The following KCNU1 variants were observed in gnomAD, a reference collection of about 807,000 sequenced individuals.
The protein encoded by KCNU1 is potassium channel subfamily U member 1.
In KCNU1, 93 loss-of-function variants were observed where a neutral mutation model predicts 126.8. The ratio of observed to expected loss-of-function variants is 0.73; its 90% CI spans 0.62 to 0.87. KCNU1 has a LOEUF of 0.87. Among genes scored for constraint, KCNU1 ranks in the 40% least tolerant of loss-of-function variants. The pLI, the probability that KCNU1 is intolerant of heterozygous loss-of-function variation, is 0.00. For missense variants in KCNU1, 1,330 were observed against 1,367.1 expected (o/e 0.97, Z 0.43); for synonymous variants, 523 against 494.2 (o/e 1.06, Z -0.77).
rs531478358 is a variant in KCNU1 at position 36,792,790 on chromosome 8, G to A, written c.315+5365G>A. Among the ~76,000 whole-genome samples the A allele has an allele frequency of 2.6e-5, 4 of 152,096 alleles. No homozygotes were observed. In the South Asian group the frequency reaches 8.3e-4, roughly 32 times the overall value. On this transcript the variant is annotated intron_variant, in intron 2 of 26. Coordinates refer to ENST00000399881, the MANE Select transcript of KCNU1 (RefSeq NM_001031836.3). Reference sequence around the variant, plus strand: ...TATTATAGTGTTGTCATTATTACACGAGTTAATAAGTGTAAAATATATATA... The same window carrying A: ...TATTATAGTGTTGTCATTATTACACAAGTTAATAAGTGTAAAATATATATA...
At chr8:36,920,968 T>G (rs1052423566) in intron 23 of KCNU1, among the ~76,000 whole-genome samples, 7 of 152,154 alleles carry the variant, frequency 4.6e-5, no homozygotes, top group African/African-American at 1.7e-4. Flanking sequence ...AGCAATGGAT[T>G]CTGAGTTGCT....
rs1009446808 is a variant in KCNU1, at chr8:36,922,175, C to G, written c.2597-315C>G. ...TTCGAGCATGCTCCCTTTTGCTCCC[C>G]CAAAATATCCTGGTTTGAAAGATAA... On this transcript the variant is annotated intron_variant, in intron 23 of 26. Coordinates refer to ENST00000399881, the MANE Select transcript of KCNU1 (RefSeq NM_001031836.3). 3.3e-5 allele frequency among the ~76,000 whole-genome samples: 5 copies of G among 152,240 alleles called. 1 individual carries two copies. Among genetic ancestry groups the G allele is most frequent in the Admixed American group, 3.3e-4 (5 of 15,288 alleles).
At chr8:36,934,409 C>T (rs1347285672) in intron 26 of KCNU1, among the ~76,000 whole-genome samples, 1 of 151,968 alleles carries the variant, frequency 6.6e-6, no homozygotes, top group Non-Finnish European at 1.5e-5. Context: ...ATAGTACCCA[C>T]CACCAAGACA....
At chr8:36,876,819 C>T (rs1177438052) in intron 19 of KCNU1, among the ~76,000 whole-genome samples, 2 of 152,142 alleles carry the variant, frequency 1.3e-5, no homozygotes, top group African/African-American at 4.8e-5. Context: ...GGATAAGAGG[C>T]TTCTTCAAAC....
chr8:36,858,823 A>AG (rs1246580922), intron 18 of KCNU1, among the ~76,000 whole-genome samples: 1 of 152,196 alleles, frequency 6.6e-6, no homozygotes, highest in Admixed American at 6.5e-5. Context: ...TATGATATCT[A>AG]GGGATAAGTT....
At chr8:36,923,810 AAGAAAGAATG>A (rs1338523283) in intron 24 of KCNU1, among the ~76,000 whole-genome samples, 1 of 152,230 alleles carries the variant, frequency 6.6e-6, no homozygotes, top group Non-Finnish European at 1.5e-5. Context: ...AGGTAAGTGC[AAGAAAGAATG>A]AAGAAGGAGA....
rs958961410 is a variant in KCNU1, at chr8:36,880,492, G to A, written c.2009+15971G>A. Among the ~76,000 whole-genome samples, 16 of 152,156 alleles carry A rather than the reference G, an allele frequency of 1.1e-4. No individual in the cohort carries two copies. In the East Asian group the frequency reaches 3.1e-3, roughly 29 times the overall value. On this transcript the variant is annotated intron_variant, in intron 19 of 26. Coordinates refer to ENST00000399881, the MANE Select transcript of KCNU1 (RefSeq NM_001031836.3). ...ATGAACAGATGGGGTGTCGAACACA[G>A]GCTTTCTGAATAATTCCCACCCTCC...
At chr8:36,841,709 TA>T (rs1804963895) in intron 16 of KCNU1, among the ~76,000 whole-genome samples, 1 of 151,912 alleles carries the variant, frequency 6.6e-6, no homozygotes, top group Admixed American at 6.6e-5. Context: ...AAAATAATTT[TA>T]AAAAAAGTAC....
Position 36,922,474 on chromosome 8 carries a change from G to T in KCNU1, c.2597-16G>T. 6.2e-7 allele frequency: 1 copy of T among 1,601,144 alleles called. No individual in the cohort carries two copies. Among genetic ancestry groups the T allele is most frequent in the Non-Finnish European group, 8.5e-7 (1 of 1,175,420 alleles). The stretch of plus-strand genomic sequence containing the variant: ...CCTGATCTGCTTGTCTTTCCTTTTT[G>T]CCTCTTGCCTTGCAGAAAATCCTTC... On this transcript the variant is annotated splice_polypyrimidine_tract_variant and intron_variant, in intron 23 of 26. Transcript: ENST00000399881.
chr8:36,897,511 A>G (rs1367911016), intron 19 of KCNU1, among the ~76,000 whole-genome samples: 1 of 152,122 alleles, frequency 6.6e-6, no homozygotes, highest in Admixed American at 6.6e-5. Flanking sequence ...AGAGCCACAC[A>G]TCAGGAAAGC....
intron 19 of KCNU1, among the ~76,000 whole-genome samples, chr8:36,881,806 A>G (rs1585504011): frequency 9.1e-6 from 1 of 109,772 alleles, no homozygotes; most frequent in African/African-American, 2.9e-5. Context: ...TCACACACAC[A>G]CACACACACA....
chr8:36,837,060 A>T, intron 14 of KCNU1, 115 bp downstream of exon 14: 1 of 954,212 alleles, frequency 1.0e-6, no homozygotes, highest in Admixed American at 2.0e-5. Context: ...ATGAGATATG[A>T]CTTCTGCTTG....
At chr8:36,795,114 G>A (rs1213050639) in intron 2 of KCNU1, 1 of 152,208 alleles carries the variant, frequency 6.6e-6, no homozygotes, top group Non-Finnish European at 1.5e-5. Context: ...AAGGATTAAT[G>A]GGTAATAAAC....
chr8:36,880,656 C>G (rs912188737), intron 19 of KCNU1, among the ~76,000 whole-genome samples: 1 of 152,092 alleles, frequency 6.6e-6, no homozygotes, highest in African/African-American at 2.4e-5. Context: ...GTTGGAATCC[C>G]TGACTGGCAG....
At chr8:36,830,485 T>A (rs1304201414) in intron 10 of KCNU1, among the ~76,000 whole-genome samples, 1 of 152,106 alleles carries the variant, frequency 6.6e-6, no homozygotes, top group Non-Finnish European at 1.5e-5. Flanking sequence ...AATTTGTTAA[T>A]GTGAATCTCA....
chr8:36,834,658 T>C lies in KCNU1; in HGVS notation c.1213-128T>C, dbSNP rs80010965. 1.6e-3 allele frequency: 1,006 copies of C among 612,962 alleles called. 11 individuals are homozygous for C. The African/African-American group carries it at 0.017, about 10-fold the overall frequency. The allele number at this position is 612,962 out of a possible 1,614,324, so 38.0% of individuals were successfully genotyped here. ...ATGTAAAGACATCCTCATTACAACT[T>C]ATTCCCAAGTGTGTCCTCTTTTGTG... On this transcript the variant is annotated intron_variant, in intron 11 of 26. Transcript: ENST00000399881.
intron 18 of KCNU1, among the ~76,000 whole-genome samples, chr8:36,854,026 G>A (rs532787662): frequency 5.9e-5 from 9 of 152,102 alleles, no homozygotes; most frequent in South Asian, 2.1e-4. Context: ...CTCATTCAGC[G>A]CTTTAAATAT....
chr8:36,841,056 TC>T lies in KCNU1; in HGVS notation c.1703+55del, dbSNP rs374956954. 5.4e-4 allele frequency: 576 copies of T among 1,071,646 alleles called. 9 individuals are homozygous for T. Among genetic ancestry groups the T allele is most frequent in the African/African-American group, 5.2e-3 (246 of 46,970 alleles). The allele number at this position is 1,071,646 out of a possible 1,614,324, so 66.4% of individuals were successfully genotyped here. A position where few individuals can be genotyped will look rare whatever the true frequency, so the allele number is the denominator to read the frequency against. ...GTTGTTTTTTTTTTTTTTTTTTTTT[TC>T]CTGGAGATTCTTTGTGATTAAGAAT... On this transcript the variant is annotated intron_variant, in intron 16 of 26. Transcript: ENST00000399881.
At chr8:36,899,935 A>G (rs534681544) in intron 19 of KCNU1, among the ~76,000 whole-genome samples, 1 of 152,214 alleles carries the variant, frequency 6.6e-6, no homozygotes, top group East Asian at 1.9e-4. Flanking sequence ...GTCCTGGGAA[A>G]CCCAAGCAAA....
Sources: gnomAD v4.1 joint callset for allele counts (sites outside exome capture counted in the v4.1 genomes callset) on GRCh38, gnomAD v4.1.1 for gene constraint, MANE v1.5 for transcripts, NCBI Gene and HGNC (gene_info 2026-07-23, HGNC 2026-07-21) for gene names.